The following DST variants were observed in gnomAD, a reference collection of about 807,000 sequenced individuals.
DST encodes the protein bullous pemphigoid antigen.
A neutral mutation model predicts 875.2 loss-of-function variants in DST; 253 were observed. The observed-to-expected ratio is 0.29, with a 90% CI of 0.26 to 0.32. The LOEUF (loss-of-function observed/expected upper bound fraction) is 0.32. DST is among the 10% of genes least tolerant of loss of function. The pLI is 1.00. For missense variants in DST, 8,287 were observed against 9,111.6 expected (o/e 0.91, Z 3.68); for synonymous variants, 3,124 against 3,197.1 (o/e 0.98, Z 0.77).
At chr6:56,564,498 T>C (rs538452662) in intron 55 of DST, among the ~76,000 whole-genome samples, 1 of 152,202 alleles carries the variant, frequency 6.6e-6, no homozygotes, top group Non-Finnish European at 1.5e-5. Flanking sequence ...TTTCTAAATA[T>C]ATAATTATGT....
At position 56,608,603 on chromosome 6, in the gene DST, C is replaced by T; in HGVS notation, c.6025G>A (p.Glu2009Lys). 2 of 1,613,426 alleles carry T rather than the reference C, an allele frequency of 1.2e-6. No individual in the cohort carries two copies. The highest frequency in any genetic ancestry group is 1.7e-6 in the Non-Finnish European group (2 of 1,179,676). Residue 2009 changes from glutamate to lysine, a missense_variant, in exon 40 of 104, where the codon GAA becomes AAA. Physicochemically the swap from Glu to Lys is moderately conservative, Grantham distance 56 (BLOSUM62 1). Coordinates refer to ENST00000680361, the MANE Select transcript of DST (RefSeq NM_001374736.1). Reference protein sequence around the residue: ...SNSGQRMTVEEAVREGVIDRD... With the variant: ...SNSGQRMTVEKAVREGVIDRD... ...TCAATCACCCCTTCTCTGACAGCTT[C>T]TTCAACAGTCATTCTTTGGCCAGAG...
intron 2 of DST, among the ~76,000 whole-genome samples, chr6:56,923,623 A>G (rs886538146): frequency 6.6e-6 from 1 of 152,166 alleles, no homozygotes; most frequent in South Asian, 2.1e-4. Flanking sequence ...AGTAAAGCCA[A>G]TGTTTTAGTC....
At position 56,602,997 on chromosome 6, in the gene DST, T is replaced by C. The variant is rs762989491; in HGVS notation, c.11192A>G (p.His3731Arg). ...KLAVSHEEFLHKLKSFSDWVS... is the reference protein window; with the variant it reads ...KLAVSHEEFLRKLKSFSDWVS... Reference sequence around the variant, plus strand: ...CCAATCTGAGAATGACTTAAGTTTATGCAGAAATTCTTCATGGGAAACTGC... The same window carrying C: ...CCAATCTGAGAATGACTTAAGTTTACGCAGAAATTCTTCATGGGAAACTGC... Residue 3731 changes from histidine (H) to arginine (R), a missense_variant, in exon 43 of 104, where the codon CAT (histidine) becomes CGT (arginine). Around this residue, in one of 10 missense-constraint regions of DST, gnomAD observed 3,138 missense variants for 3,116.6 expected, o/e 1.01. Coordinates refer to ENST00000680361, the MANE Select transcript of DST (RefSeq NM_001374736.1). 3.8e-6 allele frequency: 6 copies of C among 1,587,904 alleles called. No homozygotes were observed. The highest frequency in any genetic ancestry group is 2.2e-5 in the East Asian group (1 of 44,644).
intron 2 of DST, chr6:56,945,932 G>A (rs1819236491): frequency 6.6e-6 from 1 of 152,094 alleles, no homozygotes; most frequent in Non-Finnish European, 1.5e-5. Flanking sequence ...ATGGGTATAG[G>A]TTTATTTTGG....
chr6:56,686,900 G>A (rs1027349850), intron 9 of DST, among the ~76,000 whole-genome samples: 2 of 152,184 alleles, frequency 1.3e-5, no homozygotes, highest in African/African-American at 2.4e-5. Context: ...ACGTGACCTC[G>A]TTTAATCCTC....
At chr6:56,582,018 C>A (rs2098012505) in intron 49 of DST, among the ~76,000 whole-genome samples, 1 of 152,030 alleles carries the variant, frequency 6.6e-6, no homozygotes, top group African/African-American at 2.4e-5. Flanking sequence ...AACAATTTTA[C>A]CTGCTTAATA....
At chr6:56,889,389 A>G (rs190855315) in intron 3 of DST, among the ~76,000 whole-genome samples, 130 of 152,294 alleles carry the variant, frequency 8.5e-4, no homozygotes, top group African/African-American at 3.1e-3. Flanking sequence ...TGTTAGGCCC[A>G]TATGTCCTCC....
chr6:56,616,406 T>G, intron 36 of DST: 1 of 1,613,988 alleles, frequency 6.2e-7, no homozygotes, highest in African/African-American at 1.3e-5. Context: ...CTGGAAAGCC[T>G]CATACACGGT....
At chr6:56,573,200 T>C (rs931493555) in intron 51 of DST, 136 bp from the exon 52 acceptor site, 1 of 749,512 alleles carries the variant, frequency 1.3e-6, no homozygotes, top group Non-Finnish European at 2.1e-6. Context: ...TGAAACTGAA[T>C]GACAAGTTTG....
chr6:56,509,876 AG>A lies in DST; in HGVS notation c.18781-4del. On this transcript the variant is annotated splice_region_variant and splice_polypyrimidine_tract_variant and intron_variant, in intron 73 of 103. Coordinates refer to ENST00000680361, the MANE Select transcript of DST (RefSeq NM_001374736.1). ...ATCTGATCTATCTTGTCATGGAACT[AG>A]GGGCAAAACAAAGAGATCTTTTATG... 8.9e-6 allele frequency: 14 copies of A among 1,579,032 alleles called. No individual in the cohort carries two copies. The highest frequency in any genetic ancestry group is 1.2e-5 in the Non-Finnish European group (14 of 1,160,754).
chr6:56,470,123 A>G lies in DST; in HGVS notation c.22476+5T>C, dbSNP rs1291398609. 5.0e-6 allele frequency: 8 copies of G among 1,611,828 alleles called. No individual in the cohort carries two copies. Among genetic ancestry groups the G allele is most frequent in the African/African-American group, 1.3e-5 (1 of 74,894 alleles). On this transcript the variant is annotated splice_donor_5th_base_variant and intron_variant, in intron 96 of 103. Transcript: ENST00000680361. ...TGTTGTACGCAATGGGAAGATAATG[A>G]GTACCTCATCTTCGATTTTGTCGGC...
At chr6:56,869,834 G>A (rs559212611) in intron 3 of DST, among the ~76,000 whole-genome samples, 1 of 152,058 alleles carries the variant, frequency 6.6e-6, no homozygotes, top group Non-Finnish European at 1.5e-5. Context: ...ACAGGCAGGC[G>A]CCATCATGCC....
intron 36 of DST, chr6:56,617,538 A>C (rs981553409): frequency 1.1e-5 from 10 of 937,084 alleles, no homozygotes; most frequent in Non-Finnish European, 1.4e-5. Flanking sequence ...AAAGAAGAAA[A>C]ATTTCAAACC....
chr6:56,571,953 G>T, intron 53 of DST, 147 bp downstream of exon 53: 1 of 335,770 alleles, frequency 3.0e-6, no homozygotes, highest in Non-Finnish European at 5.1e-6. Context: ...AGCAAAAAAT[G>T]ATCAAAATAT....
At chr6:56,784,363 G>A (rs2099700658) in intron 4 of DST, among the ~76,000 whole-genome samples, 1 of 152,298 alleles carries the variant, frequency 6.6e-6, no homozygotes, top group East Asian at 1.9e-4. Context: ...CAGGTACACT[G>A]ATCAGACGCA....
Position 56,632,008 on chromosome 6 carries a change from T to C in DST, c.3838A>G (p.Ile1280Val), listed in dbSNP as rs1429684544. 2 of 1,613,482 alleles carry C rather than the reference T, an allele frequency of 1.2e-6. No homozygotes were observed. The highest frequency in any genetic ancestry group is 1.7e-6 in the Non-Finnish European group (2 of 1,179,438). ...AGTCTAATGTTTCGAACTTCAGAGA[T>C]GTAGAGATTATAAACTGATTCCTCT... is the stretch of plus-strand genomic sequence containing the variant. ...EQEESVYNLY[I>V]SEVRNIRLRL... Residue 1280 changes from isoleucine (I) to valine (V), a missense_variant, in exon 29 of 104, where the codon ATC becomes GTC. Ile to Val is a conservative substitution (Grantham distance 29). Around this residue, in one of 10 missense-constraint regions of DST, gnomAD observed 3,138 missense variants for 3,116.6 expected, o/e 1.01. Transcript: ENST00000680361.
intron 71 of DST, among the ~76,000 whole-genome samples, chr6:56,516,621 T>C (rs1212573658): frequency 2.6e-5 from 4 of 152,204 alleles, no homozygotes; most frequent in Non-Finnish European, 5.9e-5. Context: ...TGAATATGCA[T>C]CAATTTCTTC....
At chr6:56,598,882 GA>G (rs1447974031) in intron 45 of DST, among the ~76,000 whole-genome samples, 173 bp from the exon 46 acceptor site, 1 of 151,974 alleles carries the variant, frequency 6.6e-6, no homozygotes, top group African/African-American at 2.4e-5. Flanking sequence ...AATATAATTT[GA>G]AACTCAAACA....
Position 56,593,816 on chromosome 6 carries a change from C to G in DST, c.12573G>C (p.Leu4191Phe), listed in dbSNP as rs1356406253. 1 of 1,613,930 alleles carries G rather than the reference C, an allele frequency of 6.2e-7. No homozygotes were observed. The highest frequency in any genetic ancestry group is 1.1e-5 in the South Asian group (1 of 91,080). ...SEDVISHKGD[L>F]RYITISGNRV... Reference sequence around the variant, plus strand: ...TGTTTCCAGAAATTGTGATGTATCTCAAGTCACCTTTGTGAGAAATAACGT... The same window carrying G: ...TGTTTCCAGAAATTGTGATGTATCTGAAGTCACCTTTGTGAGAAATAACGT... The change falls in exon 48 of 104, where the codon TTG becomes TTC. Residue 4191 changes from leucine to phenylalanine, a missense_variant. This residue lies in a region of DST where 1,513 missense variants were observed against 1,677.8 expected (regional missense o/e 0.90). Coordinates refer to ENST00000680361, the MANE Select transcript of DST (RefSeq NM_001374736.1).
Sources: gnomAD v4.1 joint callset for allele counts (sites outside exome capture counted in the v4.1 genomes callset) on GRCh38, gnomAD v4.1.1 for gene constraint, gnomAD v4.1.1 regional missense constraint, MANE v1.5 for transcripts, NCBI Gene and HGNC (gene_info 2026-07-23, HGNC 2026-07-21) for gene names.